PCDHA5: variants seen among roughly 807,000 people sequenced by gnomAD.
The protein encoded by PCDHA5 is protocadherin alpha 5, also known as protocadherin alpha-5.
A neutral mutation model predicts 61.6 loss-of-function variants in PCDHA5; 43 were observed. The observed-to-expected ratio is 0.70, with a 90% CI of 0.55 to 0.90. The LOEUF is 0.90. Among genes scored for constraint, PCDHA5 ranks in the 40% least tolerant of loss-of-function variants. PCDHA5 has a pLI of 0.00. For missense variants in PCDHA5, 1,298 were observed against 1,222.7 expected (o/e 1.06, Z -0.92); for synonymous variants, 627 against 543.9 (o/e 1.15, Z -2.13).
chr5:140,899,717 C>T (rs2153464993), intron 1 of PCDHA5, among the ~76,000 whole-genome samples: 1 of 152,322 alleles, frequency 6.6e-6, no homozygotes, highest in South Asian at 2.1e-4. Context: ...GGAGGATTCC[C>T]TCTTTTTCTA....
intron 1 of PCDHA5, among the ~76,000 whole-genome samples, chr5:140,942,516 G>C (rs1172442572): frequency 2.0e-5 from 3 of 152,004 alleles, no homozygotes; most frequent in African/African-American, 7.3e-5. Flanking sequence ...AAACTCAGAG[G>C]GGAAGCAACT....
In PCDHA5 at chr5:140,847,559, GC is replaced by G. The variant is rs150732093; in HGVS notation, c.2352+23436del. 4.7e-5 allele frequency: 7 copies of G among 149,276 alleles called. No individual in the cohort carries two copies. In the East Asian group the frequency reaches 1.4e-3, roughly 29 times the overall value. The allele number at this position is 149,276 out of a possible 1,614,324, so 9.2% of individuals were successfully genotyped here. A position where few individuals can be genotyped will look rare whatever the true frequency, so the allele number is the denominator to read the frequency against. On this transcript the variant is annotated intron_variant, in intron 1 of 3. Coordinates refer to ENST00000529859, the MANE Select transcript of PCDHA5 (RefSeq NM_018908.3). ...AAGCATAGCTTTAAAAACAGAAATT[GC>G]CCCGAGTACTAAGGATGAGCAATAA...
At chr5:140,882,556 T>A (rs367760301) in intron 1 of PCDHA5, 11 of 1,614,194 alleles carry the variant, frequency 6.8e-6, no homozygotes, top group Non-Finnish European at 9.3e-6. Flanking sequence ...AGGAGCTGTG[T>A]GGGCGGAGCG....
At chr5:140,876,894 C>G in intron 1 of PCDHA5, 2 of 1,614,132 alleles carry the variant, frequency 1.2e-6, no homozygotes, top group Non-Finnish European at 1.7e-6. Context: ...GCTGCCACAT[C>G]TTCACGGTGT....
intron 1 of PCDHA5, chr5:140,866,748 C>CT (rs2049539198): frequency 6.6e-6 from 1 of 152,148 alleles, no homozygotes; most frequent in Non-Finnish European, 1.5e-5. Context: ...ACTTATATGA[C>CT]TAACAGGACA....
At chr5:140,993,459 TTCTCAC>T (rs2097559303) in intron 3 of PCDHA5, among the ~76,000 whole-genome samples, 1 of 83,038 alleles carries the variant, frequency 1.2e-5, no homozygotes, top group African/African-American at 4.6e-5. Context: ...CCTTCTTTCT[TTCTCAC>T]ACACACACAC....
At chr5:140,850,694 G>C in intron 1 of PCDHA5, 2 of 1,598,344 alleles carry the variant, frequency 1.3e-6, no homozygotes, top group Non-Finnish European at 1.7e-6. Context: ...GCGAGTGCGC[G>C]CCTGGCAAGC....
In PCDHA5 at chr5:140,856,840, C is replaced by T. The variant is rs782759448; in HGVS notation, c.2352+32713C>T. On this transcript the variant is annotated intron_variant, in intron 1 of 3. Transcript: ENST00000529859. ...ACCAAACATTAGTAATACGGCTCAA[C>T]GCTTCTGATTCGGATGAAGGAATAA... is the stretch of plus-strand genomic sequence containing the variant. The T allele has an allele frequency of 7.5e-6, 12 of 1,591,778 alleles. 2 individuals are homozygous for T. The highest frequency in any genetic ancestry group is 4.0e-5 in the African/African-American group (3 of 74,140).
intron 1 of PCDHA5, among the ~76,000 whole-genome samples, chr5:140,922,031 G>T (rs933616833): frequency 6.6e-6 from 1 of 152,010 alleles, no homozygotes; most frequent in African/African-American, 2.4e-5. Context: ...TATAAAAAAT[G>T]TAATTTTCCC....
intron 3 of PCDHA5, among the ~76,000 whole-genome samples, chr5:141,005,280 C>T (rs2098203817): frequency 6.6e-6 from 1 of 152,180 alleles, no homozygotes; most frequent in Non-Finnish European, 1.5e-5. Context: ...GGTGAATAAA[C>T]AGATACATTT....
intron 1 of PCDHA5, among the ~76,000 whole-genome samples, chr5:140,903,649 T>C (rs1335268583): frequency 6.6e-6 from 1 of 152,236 alleles, no homozygotes; most frequent in Non-Finnish European, 1.5e-5. Context: ...CATATACATA[T>C]ATTATAAATT....
Position 140,822,537 on chromosome 5 carries a change from A to T in PCDHA5, c.762A>T (p.Ala254=), listed in dbSNP as rs2150117111. ...ATAATGTCAGATTGTTGGAAAATGC[A>T]CCAAGTGGGACATTAGTTATTAAAC... ...SIYNVRLLEN[A]PSGTLVIKLN... is the part of the protein sequence containing the mutation. Residue 254 remains alanine, a synonymous_variant, in exon 1 of 4, where the codon GCA becomes GCT. Transcript: ENST00000529859. The T allele has an allele frequency of 6.2e-7, 1 of 1,613,856 alleles. No homozygotes were observed. The highest frequency in any genetic ancestry group is 2.2e-5 in the East Asian group (1 of 44,874).
intron 1 of PCDHA5, chr5:140,851,253 T>C: frequency 2.8e-6 from 3 of 1,086,078 alleles, no homozygotes; most frequent in Non-Finnish European, 2.3e-6. Context: ...TGATGCATAG[T>C]ATTTTAGTCT....
At chr5:140,828,257 C>G (rs2150153164) in intron 1 of PCDHA5, 31 of 1,613,872 alleles carry the variant, frequency 1.9e-5, no homozygotes, top group Non-Finnish European at 2.5e-5. Context: ...GGGGCTGGAG[C>G]TGGCGGAGCT....
chr5:140,892,608 TA>T (rs1442553538), intron 1 of PCDHA5, among the ~76,000 whole-genome samples: 2 of 152,184 alleles, frequency 1.3e-5, no homozygotes, highest in African/African-American at 4.8e-5. Flanking sequence ...TTTTTCCTTT[TA>T]TTTCCAGTTG....
intron 1 of PCDHA5, among the ~76,000 whole-genome samples, chr5:140,938,340 T>A (rs1210571018): frequency 6.6e-6 from 1 of 152,224 alleles, no homozygotes; most frequent in Non-Finnish European, 1.5e-5. Flanking sequence ...TAATGGATAA[T>A]CTTGTCTTAT....
chr5:140,841,748 T>G (rs2150322169), intron 1 of PCDHA5: 12 of 1,613,846 alleles, frequency 7.4e-6, no homozygotes, highest in Non-Finnish European at 9.3e-6. Context: ...GCTGTTTGTT[T>G]CAGAATCCAG....
intron 1 of PCDHA5, chr5:140,863,395 G>A: frequency 1.1e-6 from 1 of 921,404 alleles, no homozygotes; most frequent in Non-Finnish European, 1.7e-6. Flanking sequence ...GTGCATGCCG[G>A]GCAAGCCCAC....
rs185281311 is a variant in PCDHA5 at position 140,896,058 on chromosome 5, G to A, written c.2352+71931G>A. The stretch of plus-strand genomic sequence containing the variant: ...ACTCCTGACCTCAGGTGATCCGCCT[G>A]CCTCGGCCTCCCAACATGCTGGGAT... On this transcript the variant is annotated intron_variant, in intron 1 of 3. Coordinates refer to ENST00000529859, the MANE Select transcript of PCDHA5 (RefSeq NM_018908.3). 4.1e-3 allele frequency among the ~76,000 whole-genome samples: 624 copies of A among 152,238 alleles called. 2 individuals carry two copies. The highest frequency in any genetic ancestry group is 6.8e-3 in the Middle Eastern group (2 of 294).
Sources: gnomAD v4.1 joint callset for allele counts (sites outside exome capture counted in the v4.1 genomes callset) on GRCh38, gnomAD v4.1.1 for gene constraint, MANE v1.5 for transcripts, NCBI Gene and HGNC (gene_info 2026-07-23, HGNC 2026-07-21) for gene names.